The following TMEM59 variants were observed in gnomAD, a reference collection of about 807,000 sequenced individuals.
TMEM59 encodes dendritic cell factor 1.
In TMEM59, 44 loss-of-function variants were observed where a neutral mutation model predicts 42.2. That is an observed-to-expected ratio of 1.04 (90% CI 0.82 to 1.34). The LOEUF is 1.34. Among genes scored for constraint, TMEM59 ranks in the 40% most tolerant of loss-of-function variants. The pLI, the probability that TMEM59 is intolerant of heterozygous loss-of-function variation, is 0.00. For missense variants in TMEM59, 359 were observed against 382.8 expected, an observed-to-expected ratio of 0.94 and a Z score of 0.52; for synonymous variants, 148 against 145.8, an observed-to-expected ratio of 1.02 and a Z score of -0.11.
chr1:54,033,609 A>C (rs1370342123), intron 7 of TMEM59: 2 of 151,264 alleles, frequency 1.3e-5, no homozygotes, highest in East Asian at 2.0e-4. Flanking sequence ...CTCACAAAAA[A>C]AAAAAAAAAA....
At chr1:54,045,416 CT>C (rs1657295839) in intron 3 of TMEM59, 1 of 366,202 alleles carries the variant, frequency 2.7e-6, no homozygotes, top group Non-Finnish European at 4.9e-6. Flanking sequence ...TCCTCTGAGC[CT>C]TGGTTTTTTC....
At position 54,028,168 on chromosome 1, in the gene TMEM59, C is replaced by T. The variant is rs1656660558; in HGVS notation, c.*3982G>A. On this transcript the variant is annotated 3_prime_UTR_variant, in exon 8 of 8. Transcript: ENST00000234831. ...CCAGGGATCCATGGGGCAGCCTTCC[C>T]AGTTTGCTCAAACATTCTGTTGCCA... The T allele has an allele frequency of 6.6e-6, 1 of 152,206 alleles. No homozygotes were observed. Among genetic ancestry groups the T allele is most frequent in the Non-Finnish European group, 1.5e-5 (1 of 68,046 alleles). The allele number at this position is 152,206 out of a possible 1,614,324, so 9.4% of individuals were successfully genotyped here. A position where few individuals can be genotyped will look rare whatever the true frequency, so the allele number is the denominator to read the frequency against.
In TMEM59 at chr1:54,030,716, A is replaced by G. The variant is rs533301939; in HGVS notation, c.*1434T>C. On this transcript the variant is annotated 3_prime_UTR_variant, in exon 8 of 8. Transcript: ENST00000234831. Reference sequence around the variant, plus strand: ...ATGTGTTCACAACTTTCTATCATCCAAATCTAGACAAACTAAAAATAAAAA... The same window carrying G: ...ATGTGTTCACAACTTTCTATCATCCGAATCTAGACAAACTAAAAATAAAAA... 13 of 152,320 alleles carry G rather than the reference A, an allele frequency of 8.5e-5. No homozygotes were observed. The South Asian group carries it at 2.1e-3, about 24-fold the overall frequency. 9.4% of individuals were successfully genotyped at this position (152,320 alleles called of 1,614,324 possible). A position where few individuals can be genotyped will look rare whatever the true frequency, so the allele number is the denominator to read the frequency against.
Position 54,043,498 on chromosome 1 carries a change from G to A in TMEM59, c.418C>T (p.Leu140=), listed in dbSNP as rs1657216780. The A allele has an allele frequency of 1.3e-6, 2 of 1,517,216 alleles. No homozygotes were observed. The highest frequency in any genetic ancestry group is 1.4e-5 in the African/African-American group (1 of 71,880). The allele number at this position is 1,517,216 out of a possible 1,614,324, so 94.0% of individuals were successfully genotyped here. The change falls in exon 4 of 8, where the codon CTA becomes TTA. Residue 140 remains leucine (L), a synonymous_variant. Coordinates refer to ENST00000234831, the MANE Select transcript of TMEM59 (RefSeq NM_004872.5). ...CTCACCAGAGTTAGAGGAAAGAGTA[G>A]GTGCATTTTTGGCATCAGGGACATA... ...QLMSLMPKMH[L]LFPLTLVRSF...
chr1:54,045,441 G>A (rs1657297001), intron 3 of TMEM59: 1 of 419,284 alleles, frequency 2.4e-6, no homozygotes, highest in Non-Finnish European at 4.2e-6. Flanking sequence ...TGTAAAATGA[G>A]GATAATATCT....
At chr1:54,032,750 C>A (rs1463964612) in intron 7 of TMEM59, among the ~76,000 whole-genome samples, 3 of 152,152 alleles carry the variant, frequency 2.0e-5, no homozygotes. Context: ...GAAGGGTCTT[C>A]ATAAATATAT....
intron 1 of TMEM59, among the ~76,000 whole-genome samples, chr1:54,050,536 T>C (rs374828853): frequency 2.6e-5 from 4 of 151,862 alleles, no homozygotes; most frequent in Non-Finnish European, 4.4e-5. Flanking sequence ...GGAGAGCCAA[T>C]AGAAATCAGT....
Position 54,032,266 on chromosome 1 carries a change from G to T in TMEM59, c.856C>A (p.Gln286Lys), listed in dbSNP as rs1406693261. The T allele has an allele frequency of 6.2e-7, 1 of 1,611,174 alleles. No homozygotes were observed. The highest frequency in any genetic ancestry group is 8.5e-7 in the Non-Finnish European group (1 of 1,178,452). ...IYGDLEFMNE[Q>K]KLNRYPASSL... ...GAAGCTGGATATCTGTTTAGCTTTTGTTCATTCATAAACTCCAAGTCACCA... is the reference window on the plus strand; with the variant it reads ...GAAGCTGGATATCTGTTTAGCTTTTTTTCATTCATAAACTCCAAGTCACCA... The change falls in exon 8 of 8, where the codon CAA becomes AAA. Residue 286 changes from glutamine (Q) to lysine (K), a missense_variant. Physicochemically the swap from Gln to Lys is moderately conservative, Grantham distance 53. Coordinates refer to ENST00000234831, the MANE Select transcript of TMEM59 (RefSeq NM_004872.5).
At chr1:54,037,908 G>C (rs1657006459) in intron 6 of TMEM59, among the ~76,000 whole-genome samples, 1 of 152,100 alleles carries the variant, frequency 6.6e-6, no homozygotes, top group African/African-American at 2.4e-5. Flanking sequence ...GGATATATTT[G>C]ATATCTAGAT....
At chr1:54,038,075 C>A (rs556989171) in intron 6 of TMEM59, among the ~76,000 whole-genome samples, 1 of 152,290 alleles carries the variant, frequency 6.6e-6, no homozygotes, top group Admixed American at 6.5e-5. Flanking sequence ...CCCTGATTTA[C>A]CAAAGTTCTC....
intron 1 of TMEM59, among the ~76,000 whole-genome samples, chr1:54,052,530 G>T (rs1411610966): frequency 6.6e-6 from 1 of 152,162 alleles, no homozygotes; most frequent in Non-Finnish European, 1.5e-5. Context: ...CAGTGGAATC[G>T]TCTACTTGTC....
At chr1:54,040,255 C>T (rs753758262) in intron 6 of TMEM59, among the ~76,000 whole-genome samples, 2 of 152,136 alleles carry the variant, frequency 1.3e-5, no homozygotes, top group African/African-American at 4.8e-5. Flanking sequence ...CAGGTTCAAA[C>T]GATTCTCCTG....
intron 1 of TMEM59, among the ~76,000 whole-genome samples, chr1:54,049,027 G>A (rs188290093): frequency 2.2e-4 from 34 of 152,294 alleles, no homozygotes; most frequent in Non-Finnish European, 4.3e-4. Context: ...CACAAAGGAA[G>A]CATAAGCTCA....
intron 3 of TMEM59, chr1:54,043,775 C>T (rs1481268878): frequency 1.2e-5 from 2 of 170,312 alleles, no homozygotes; most frequent in Admixed American, 1.3e-4. Flanking sequence ...ATCAGAATAA[C>T]AGGCTTTTGA....
intron 1 of TMEM59, among the ~76,000 whole-genome samples, chr1:54,052,435 T>C (rs1000824487): frequency 5.9e-5 from 9 of 152,150 alleles, no homozygotes; most frequent in African/African-American, 1.9e-4. Context: ...GGCAGCGTCT[T>C]GGACACAGTA....
chr1:54,038,218 C>A (rs1304902751), intron 6 of TMEM59, among the ~76,000 whole-genome samples: 1 of 152,124 alleles, frequency 6.6e-6, no homozygotes, highest in East Asian at 1.9e-4. Flanking sequence ...TAGTAATGTA[C>A]CCTATACACA....
At chr1:54,040,662 T>C in intron 6 of TMEM59, 94 bp downstream of exon 6, 2 of 939,834 alleles carry the variant, frequency 2.1e-6, no homozygotes, top group Non-Finnish European at 3.3e-6. Flanking sequence ...GGTTTACTTT[T>C]GAGGTGCTAA....
At position 54,043,040 on chromosome 1, in the gene TMEM59, A is replaced by G. The variant is rs542384856; in HGVS notation, c.543+333T>C. ...TTTTATCTGATATCCATATGTAATC[A>G]TATATGGCCACTATTTATGTTCGAA... is the stretch of plus-strand genomic sequence containing the variant. On this transcript the variant is annotated intron_variant, in intron 4 of 7. Transcript: ENST00000234831. 2.0e-5 allele frequency among the ~76,000 whole-genome samples: 3 copies of G among 152,306 alleles called. No homozygotes were observed. In the South Asian group the frequency reaches 6.2e-4, roughly 32 times the overall value.
chr1:54,039,773 G>A (rs1397766700), intron 6 of TMEM59, among the ~76,000 whole-genome samples: 2 of 151,894 alleles, frequency 1.3e-5, no homozygotes, highest in African/African-American at 4.8e-5. Context: ...CCGAGTAGGT[G>A]ATAGTCAATA....
Sources: gnomAD v4.1 joint callset for allele counts (sites outside exome capture counted in the v4.1 genomes callset) on GRCh38, gnomAD v4.1.1 for gene constraint, MANE v1.5 for transcripts, NCBI Gene and HGNC (gene_info 2026-07-23, HGNC 2026-07-21) for gene names.